The following INPP5B variants were observed in gnomAD, a reference collection of about 807,000 sequenced individuals.
INPP5B encodes the protein inositol polyphosphate-5-phosphatase B, also known as type II inositol 1,4,5-trisphosphate 5-phosphatase.
INPP5B carries 90 observed loss-of-function variants against 118.5 expected under a neutral mutation model. The observed-to-expected ratio is 0.76, with a 90% CI of 0.64 to 0.90. The LOEUF (loss-of-function observed/expected upper bound fraction) is 0.90. INPP5B is among the 40% of genes least tolerant of loss of function. The pLI is 0.00. For missense variants in INPP5B, 984 were observed against 1,125.6 expected (o/e 0.87, Z 1.80); for synonymous variants, 385 against 418.9 (o/e 0.92, Z 0.99).
At chr1:37,921,381 G>A (rs1217676277) in intron 7 of INPP5B, among the ~76,000 whole-genome samples, 1 of 152,180 alleles carries the variant, frequency 6.6e-6, no homozygotes, top group Non-Finnish European at 1.5e-5. Flanking sequence ...ACCTGGCATT[G>A]AAAAGAATGG....
intron 7 of INPP5B, among the ~76,000 whole-genome samples, chr1:37,897,972 T>C (rs568892657): frequency 1.3e-5 from 2 of 151,864 alleles, no homozygotes; most frequent in South Asian, 2.1e-4. Context: ...TTTGTACACA[T>C]AAAAACCTGC....
chr1:37,874,229 A>C, intron 17 of INPP5B, 74 bp from the exon 18 acceptor site: 1 of 1,117,758 alleles, frequency 8.9e-7, no homozygotes, highest in African/African-American at 1.6e-5. Context: ...CCAACTGGGC[A>C]GTCCTTACCA....
intron 19 of INPP5B, chr1:37,870,031 A>T (rs889392558): frequency 1.3e-5 from 2 of 151,612 alleles, no homozygotes; most frequent in South Asian, 2.1e-4. Flanking sequence ...ATGATGATTT[A>T]AAAAAAAACA....
chr1:37,886,406 G>A (rs756073363), intron 12 of INPP5B, among the ~76,000 whole-genome samples: 9 of 151,314 alleles, frequency 5.9e-5, no homozygotes, highest in Non-Finnish European at 8.8e-5. Context: ...ACAGGTGTGA[G>A]CCACCACACC....
At chr1:37,903,553 C>T (rs1160181157) in intron 7 of INPP5B, among the ~76,000 whole-genome samples, 1 of 152,122 alleles carries the variant, frequency 6.6e-6, no homozygotes, top group Admixed American at 6.6e-5. Context: ...GGTGAAACCC[C>T]GTCTCTACTA....
intron 9 of INPP5B, 124 bp from the exon 10 acceptor site, chr1:37,888,468 T>A: frequency 1.9e-6 from 1 of 536,482 alleles, no homozygotes; most frequent in Non-Finnish European, 3.2e-6. Context: ...ATAAGAAATG[T>A]CATTTCTAAC....
chr1:37,896,724 TGG>T (rs1236757373), intron 7 of INPP5B, among the ~76,000 whole-genome samples: 2 of 84,646 alleles, frequency 2.4e-5, no homozygotes, highest in African/African-American at 9.0e-5. Flanking sequence ...GGGAGGGAGG[TGG>T]GGGAGTCAGC....
intron 7 of INPP5B, among the ~76,000 whole-genome samples, chr1:37,917,308 T>TTATATACATATATATATATATATATATA (rs1553159486): frequency 2.2e-5 from 2 of 92,796 alleles, no homozygotes; most frequent in East Asian, 6.8e-4. Context: ...AAAAAAATAA[T>TTATATACATATATATATATATATATATA]TATATATATA....
chr1:37,893,277 G>A (rs1643902891), intron 7 of INPP5B, among the ~76,000 whole-genome samples: 1 of 151,564 alleles, frequency 6.6e-6, no homozygotes, highest in South Asian at 2.1e-4. Context: ...TAGAGATGGA[G>A]TTTTGCCATG....
At chr1:37,925,954 G>A (rs973742550) in intron 7 of INPP5B, among the ~76,000 whole-genome samples, 1 of 152,140 alleles carries the variant, frequency 6.6e-6, no homozygotes, top group Non-Finnish European at 1.5e-5. Context: ...CCACAACGGT[G>A]GAAATGATGG....
At chr1:37,915,070 T>C (rs1644820916) in intron 7 of INPP5B, among the ~76,000 whole-genome samples, 1 of 152,196 alleles carries the variant, frequency 6.6e-6, no homozygotes, top group Non-Finnish European at 1.5e-5. Flanking sequence ...GTGCAAGTGT[T>C]CTATTTTTCT....
intron 19 of INPP5B, chr1:37,869,903 G>A (rs980627961): frequency 9.9e-5 from 15 of 151,870 alleles, no homozygotes; most frequent in African/African-American, 3.6e-4. Context: ...AAAATGCACT[G>A]GAAAAAAAGC....
At chr1:37,897,043 C>T (rs868464867) in intron 7 of INPP5B, among the ~76,000 whole-genome samples, 60 of 145,560 alleles carry the variant, frequency 4.1e-4, no homozygotes, top group African/African-American at 1.2e-3. Context: ...CACCTCTGCC[C>T]GGCTGCCCCT....
At chr1:37,872,391 A>G (rs1374112659) in intron 19 of INPP5B, among the ~76,000 whole-genome samples, 2 of 146,296 alleles carry the variant, frequency 1.4e-5, no homozygotes, top group South Asian at 2.2e-4. Context: ...AAAAAAAAGA[A>G]GTGGAGTCTT....
At chr1:37,927,829 G>A (rs1001303241) in intron 7 of INPP5B, among the ~76,000 whole-genome samples, 16 of 152,106 alleles carry the variant, frequency 1.1e-4, no homozygotes, top group African/African-American at 3.1e-4. Context: ...GAGCCACTGC[G>A]CCCGGCCTCA....
chr1:37,929,862 T>C (rs1645382427), intron 7 of INPP5B: 1 of 151,914 alleles, frequency 6.6e-6, no homozygotes, highest in Non-Finnish European at 1.5e-5. Context: ...GCCTCCAGAG[T>C]ACATGGGATT....
At chr1:37,901,854 C>T (rs1452066239) in intron 7 of INPP5B, among the ~76,000 whole-genome samples, 1 of 152,148 alleles carries the variant, frequency 6.6e-6, no homozygotes, top group Non-Finnish European at 1.5e-5. Flanking sequence ...TTCTCCTCTC[C>T]TGCTTCCCTA....
intron 5 of INPP5B, among the ~76,000 whole-genome samples, chr1:37,941,724 G>C (rs1211024586): frequency 2.7e-5 from 4 of 148,880 alleles, no homozygotes; most frequent in African/African-American, 9.9e-5. Flanking sequence ...GGATCACGAG[G>C]TCAGGAGATC....
At chr1:37,906,464 A>G (rs560272988) in intron 7 of INPP5B, among the ~76,000 whole-genome samples, 1 of 152,370 alleles carries the variant, frequency 6.6e-6, no homozygotes, top group South Asian at 2.1e-4. Flanking sequence ...ACTTTATACA[A>G]ATAATCAGTC....
Sources: allele counts gnomAD v4.1 joint callset (sites outside exome capture counted in the v4.1 genomes callset), GRCh38; gene constraint gnomAD v4.1.1; transcripts MANE v1.5; gene names NCBI Gene and HGNC (gene_info 2026-07-23, HGNC 2026-07-21).